Variants in NEBL observed in about 807,000 individuals in gnomAD.
The protein encoded by NEBL is nebulette, also known as LIM and SH3 protein 2.
A neutral mutation model predicts 140.2 loss-of-function variants in NEBL; 122 were observed. The observed-to-expected ratio is 0.87, with a 90% CI of 0.75 to 1.01. NEBL has a LOEUF of 1.01. Among genes scored for constraint, NEBL ranks in the 50% least tolerant of loss-of-function variants. NEBL has a pLI of 0.00. For missense variants in NEBL, 1,365 were observed against 1,231.3 expected, an observed-to-expected ratio of 1.11 and a Z score of -1.62; for synonymous variants, 436 against 398.9, an observed-to-expected ratio of 1.09 and a Z score of -1.11.
chr10:20,864,056 C>A (rs1844014064), intron 7 of NEBL, among the ~76,000 whole-genome samples: 2 of 152,122 alleles, frequency 1.3e-5, no homozygotes, highest in Non-Finnish European at 2.9e-5. Context: ...AGGTTTAAAA[C>A]CCATTCTTAT....
In NEBL at chr10:20,889,968, T is replaced by A. The variant is rs754218321; in HGVS notation, c.154-19A>T. On this transcript the variant is annotated intron_variant, in intron 2 of 27. Transcript: ENST00000377122. ...AACGGATCTAAAAAAGAGAATGATT[T>A]ACATAAGAAGAGAAAAAGAAAAACA... The A allele has an allele frequency of 6.7e-7, 1 of 1,483,108 alleles. No individual in the cohort carries two copies. Among genetic ancestry groups the A allele is most frequent in the Admixed American group, 1.7e-5 (1 of 58,384 alleles). 91.9% of individuals were successfully genotyped at this position (1,483,108 alleles called of 1,614,324 possible).
intron 4 of NEBL, among the ~76,000 whole-genome samples, chr10:20,953,582 G>A (rs1835621477): frequency 6.7e-6 from 1 of 150,326 alleles, no homozygotes; most frequent in South Asian, 2.1e-4. Flanking sequence ...ATTAAGATAG[G>A]GGAAGTCCTG....
intron 22 of NEBL, among the ~76,000 whole-genome samples, chr10:20,815,009 G>A (rs748939285): frequency 3.9e-5 from 6 of 152,114 alleles, no homozygotes; most frequent in East Asian, 3.9e-4. Context: ...TCAGAACACC[G>A]CCATTTATGA....
chr10:21,267,202 C>G (rs1842807369), intron 1 of NEBL, among the ~76,000 whole-genome samples: 1 of 152,134 alleles, frequency 6.6e-6, no homozygotes, highest in Admixed American at 6.5e-5. Flanking sequence ...TCTCAAACTC[C>G]TGACCTCAGG....
chr10:20,805,041 C>G (rs888600210), intron 26 of NEBL, among the ~76,000 whole-genome samples: 1 of 152,214 alleles, frequency 6.6e-6, no homozygotes, highest in East Asian at 1.9e-4. Context: ...GAGGTAGGGC[C>G]AAGCACTCAG....
chr10:20,902,275 G>A (rs551844644), upstream of NEBL, among the ~76,000 whole-genome samples: 5 of 152,042 alleles, frequency 3.3e-5, no homozygotes, highest in Admixed American at 6.5e-5. Flanking sequence ...GCATGGTGGC[G>A]GGTGCCTGTA....
At chr10:21,128,823 G>A (rs1356802762) in intron 2 of NEBL, among the ~76,000 whole-genome samples, 1 of 152,062 alleles carries the variant, frequency 6.6e-6, no homozygotes, top group African/African-American at 2.4e-5. Context: ...CAGAAAAGAT[G>A]GTCCTCAAAC....
chr10:20,887,564 G>A (rs1280567656), intron 4 of NEBL, among the ~76,000 whole-genome samples: 2 of 151,964 alleles, frequency 1.3e-5, no homozygotes, highest in African/African-American at 4.8e-5. Context: ...CACCACAGGT[G>A]CATGCCAACA....
At chr10:20,889,792 T>C (rs1019579670) in intron 3 of NEBL, 53 bp downstream of exon 3, 12 of 1,076,272 alleles carry the variant, frequency 1.1e-5, no homozygotes, top group African/African-American at 7.8e-5. Context: ...CTTTCATCTA[T>C]ATAATAAGAA....
chr10:20,836,604 G>C (rs1010381635), intron 13 of NEBL, among the ~76,000 whole-genome samples: 1 of 152,112 alleles, frequency 6.6e-6, no homozygotes, highest in Non-Finnish European at 1.5e-5. Context: ...CTGTGCACTG[G>C]GAAGAGCATG....
chr10:21,111,858 T>C (rs1675797618), intron 2 of NEBL, among the ~76,000 whole-genome samples: 1 of 151,216 alleles, frequency 6.6e-6, no homozygotes, highest in Non-Finnish European at 1.5e-5. Context: ...AGGGCTAATA[T>C]CCAGAATCTA....
intron 4 of NEBL, among the ~76,000 whole-genome samples, chr10:20,922,365 T>C (rs1271073311): frequency 6.6e-6 from 1 of 152,190 alleles, no homozygotes; most frequent in African/African-American, 2.4e-5. Flanking sequence ...ATGAGAACGA[T>C]ATGTTTTATT....
At chr10:21,046,022 C>T (rs1195594995) in intron 2 of NEBL, among the ~76,000 whole-genome samples, 3 of 151,764 alleles carry the variant, frequency 2.0e-5, no homozygotes, top group Non-Finnish European at 2.9e-5. Flanking sequence ...CACACACACA[C>T]ACGTGTGTGC....
intron 2 of NEBL, among the ~76,000 whole-genome samples, chr10:21,122,714 T>C (rs1340272019): frequency 6.6e-6 from 1 of 152,138 alleles, no homozygotes; most frequent in Non-Finnish European, 1.5e-5. Flanking sequence ...CCTCAGTGTC[T>C]GGGTAGCGGA....
At chr10:20,794,960 A>G (rs547357268) in intron 26 of NEBL, among the ~76,000 whole-genome samples, 1 of 152,346 alleles carries the variant, frequency 6.6e-6, no homozygotes, top group Non-Finnish European at 1.5e-5. Flanking sequence ...TAGCAGATTA[A>G]GTAATTTGGT....
rs982841443 is a variant in NEBL, at chr10:21,113,931, ATTTCC to A, written c.164+58447_164+58451del. On this transcript the variant is annotated intron_variant, in intron 2 of 6. Transcript: ENST00000417816. Reference sequence around the variant, plus strand: ...ATTGATTCTGCTCCTATAGTTTATTATTTCCTTTCTTCTGCTTACTTTTGCTTTAA... The same window carrying A: ...ATTGATTCTGCTCCTATAGTTTATTATTTCTTCTGCTTACTTTTGCTTTAA... Among the ~76,000 whole-genome samples the A allele has an allele frequency of 2.2e-3, 340 of 151,728 alleles. 1 individual carries two copies. The highest frequency in any genetic ancestry group is 7.3e-3 in the African/African-American group (302 of 41,410).
intron 3 of NEBL, among the ~76,000 whole-genome samples, chr10:21,234,136 A>G (rs1367441334): frequency 6.6e-6 from 1 of 151,882 alleles, no homozygotes; most frequent in East Asian, 1.9e-4. Flanking sequence ...TAAAAGAGCT[A>G]CTTGTTGAAA....
intron 2 of NEBL, among the ~76,000 whole-genome samples, chr10:20,893,209 T>C (rs920521863): frequency 3.9e-5 from 6 of 152,152 alleles, no homozygotes; most frequent in African/African-American, 1.4e-4. Context: ...TTGCCCAATC[T>C]TTTTTATGAC....
At chr10:20,822,326 T>C (rs574619505) in intron 19 of NEBL, among the ~76,000 whole-genome samples, 1 of 152,112 alleles carries the variant, frequency 6.6e-6, no homozygotes, top group African/African-American at 2.4e-5. Context: ...TTTTGTAGAC[T>C]AATATATATA....
Sources: allele counts gnomAD v4.1 joint callset (sites outside exome capture counted in the v4.1 genomes callset), GRCh38; gene constraint gnomAD v4.1.1; transcripts MANE v1.5; gene names NCBI Gene and HGNC (gene_info 2026-07-23, HGNC 2026-07-21).